HIRA: variants seen among roughly 807,000 people sequenced by gnomAD.
The protein encoded by HIRA is histone cell cycle regulator, also known as protein HIRA.
In HIRA, 13 loss-of-function variants were observed where a neutral mutation model predicts 126.6. That is an observed-to-expected ratio of 0.10 (90% CI 0.07 to 0.16). The LOEUF is 0.16. Among genes scored for constraint, HIRA ranks in the 10% least tolerant of loss-of-function variants. The pLI is 1.00. For missense variants in HIRA, 834 were observed against 1,314.4 expected, an observed-to-expected ratio of 0.63 and a Z score of 5.65; for synonymous variants, 511 against 520.0, an observed-to-expected ratio of 0.98 and a Z score of 0.24.
chr22:19,335,161 C>A (rs997207688), intron 24 of HIRA, among the ~76,000 whole-genome samples: 1 of 152,128 alleles, frequency 6.6e-6, no homozygotes, highest in Non-Finnish European at 1.5e-5. Context: ...GTCTGTGATA[C>A]TGCTGTCATG....
At chr22:19,336,250 G>A (rs923212711) in intron 24 of HIRA, among the ~76,000 whole-genome samples, 1 of 152,196 alleles carries the variant, frequency 6.6e-6, no homozygotes, top group Non-Finnish European at 1.5e-5. Flanking sequence ...AACCCTAGGT[G>A]ATCTCATCTG....
In HIRA at chr22:19,428,934, T is replaced by A. The variant is rs576471412; in HGVS notation, c.37+2506A>T. Among the ~76,000 whole-genome samples the A allele has an allele frequency of 3.9e-5, 6 of 152,184 alleles. No homozygotes were observed. In the East Asian group the frequency reaches 1.2e-3, roughly 29 times the overall value. ...AGGCTTCCGGCTGAGCAGCCCCTGC[T>A]CCCAGCAGCCACCAATACTCCTACA... On this transcript the variant is annotated intron_variant, in intron 1 of 24. Coordinates refer to ENST00000263208, the MANE Select transcript of HIRA (RefSeq NM_003325.4).
chr22:19,348,513 T>G (rs2088714050), intron 24 of HIRA, among the ~76,000 whole-genome samples: 1 of 152,096 alleles, frequency 6.6e-6, no homozygotes, highest in South Asian at 2.1e-4. Context: ...TTTTTTTTTT[T>G]GAGACAGAGT....
chr22:19,336,493 A>G (rs1556005962), intron 24 of HIRA, among the ~76,000 whole-genome samples: 1 of 152,240 alleles, frequency 6.6e-6, no homozygotes, highest in African/African-American at 2.4e-5. Flanking sequence ...GAAAAACAAC[A>G]GCTAATTCCA....
chr22:19,387,545 T>C (rs936544795), intron 11 of HIRA, among the ~76,000 whole-genome samples, 166 bp downstream of exon 11: 4 of 152,190 alleles, frequency 2.6e-5, no homozygotes, highest in African/African-American at 7.2e-5. Flanking sequence ...AATTAATCTA[T>C]TTTGTAAAGA....
In HIRA at chr22:19,385,612, AGCT is replaced by A. The variant is rs746667249; in HGVS notation, c.1235_1237del (p.Gln412del). 19 of 1,613,176 alleles carry A rather than the reference AGCT, an allele frequency of 1.2e-5. No individual in the cohort carries two copies. Among genetic ancestry groups the A allele is most frequent in the Middle Eastern group, 1.6e-4 (1 of 6,078 alleles). ...CCTGGTCGCAGCACTCTTCTGGTCC[AGCT>A]GCTGCTGCTGCTGCCTTCGCTGGTA... On this transcript the variant is annotated inframe_deletion, in exon 12 of 25. Transcript: ENST00000263208.
chr22:19,336,233 G>A (rs2088566252), intron 24 of HIRA, among the ~76,000 whole-genome samples: 1 of 152,170 alleles, frequency 6.6e-6, no homozygotes, highest in African/African-American at 2.4e-5. Flanking sequence ...CTTGGAAGAG[G>A]ACCTTGAACC....
intron 15 of HIRA, 151 bp downstream of exon 15, chr22:19,375,480 A>G: frequency 1.3e-6 from 1 of 745,306 alleles, no homozygotes; most frequent in Non-Finnish European, 2.1e-6. Flanking sequence ...GTGGCTCACT[A>G]AGGGCTCTGC....
At chr22:19,356,156 G>A (rs1422332711) in intron 20 of HIRA, 74 bp downstream of exon 20, 2 of 1,385,744 alleles carry the variant, frequency 1.4e-6, no homozygotes, top group African/African-American at 2.8e-5. Context: ...GGCTCTCTGA[G>A]CGGGGCCCTT....
At chr22:19,426,549 C>A (rs5993638) in intron 1 of HIRA, among the ~76,000 whole-genome samples, 1 of 152,192 alleles carries the variant, frequency 6.6e-6, no homozygotes, top group African/African-American at 2.4e-5. Context: ...TGGGCTATCA[C>A]GCTTATTCCT....
At chr22:19,366,715 A>G (rs981772766) in intron 15 of HIRA, among the ~76,000 whole-genome samples, 1 of 152,220 alleles carries the variant, frequency 6.6e-6, no homozygotes, top group Non-Finnish European at 1.5e-5. Flanking sequence ...CTTAAGATGG[A>G]ATCTCCTGGT....
At chr22:19,405,705 G>T in intron 5 of HIRA, 81 bp downstream of exon 5, 2 of 1,084,568 alleles carry the variant, frequency 1.8e-6, no homozygotes, top group Non-Finnish European at 2.5e-6. Flanking sequence ...GGACCAAACA[G>T]TCCCACAGGG....
rs542553068 is a variant in HIRA at position 19,352,874 on chromosome 22, T to G, written c.2848+482A>C. ...AGCCACCTCTTCCAGCACACCTGGC[T>G]TTCTGCAAGGGAGGCAGCAGAGTGA... On this transcript the variant is annotated intron_variant, in intron 23 of 24. Transcript: ENST00000263208. 2.0e-5 allele frequency among the ~76,000 whole-genome samples: 3 copies of G among 152,324 alleles called. No homozygotes were observed. In the South Asian group the frequency reaches 6.2e-4, roughly 32 times the overall value.
intron 24 of HIRA, among the ~76,000 whole-genome samples, chr22:19,347,767 C>T (rs1446361319): frequency 1.3e-5 from 2 of 152,034 alleles, no homozygotes; most frequent in Non-Finnish European, 2.9e-5. Context: ...GGTGAAACCC[C>T]GCCTCTACTA....
intron 17 of HIRA, among the ~76,000 whole-genome samples, chr22:19,359,712 C>G (rs2088846463): frequency 6.6e-6 from 1 of 152,190 alleles, no homozygotes; most frequent in Non-Finnish European, 1.5e-5. Context: ...TGGTTTCTAC[C>G]CTGTCATTTG....
chr22:19,347,105 G>C (rs546757425), intron 24 of HIRA, among the ~76,000 whole-genome samples: 2 of 152,186 alleles, frequency 1.3e-5, no homozygotes, highest in Admixed American at 6.5e-5. Context: ...CTGCCCATGA[G>C]GGGGACTCAC....
chr22:19,399,098 C>A, intron 5 of HIRA: 3 of 984,334 alleles, frequency 3.0e-6, no homozygotes, highest in Non-Finnish European at 3.6e-6. Context: ...CGATGAGGGT[C>A]CGCTGTGACG....
intron 24 of HIRA, among the ~76,000 whole-genome samples, chr22:19,334,407 T>G (rs2146507221): frequency 6.6e-6 from 1 of 151,166 alleles, no homozygotes; most frequent in Admixed American, 6.6e-5. Flanking sequence ...TCTCAGCACT[T>G]TGGGAGGCCA....
intron 8 of HIRA, 139 bp from the exon 9 acceptor site, chr22:19,392,353 G>A: frequency 1.8e-5 from 10 of 550,930 alleles, no homozygotes; most frequent in East Asian, 2.9e-5. Flanking sequence ...TCATCTTCCC[G>A]ACCACCTATG....
Sources: gnomAD v4.1 joint callset for allele counts (sites outside exome capture counted in the v4.1 genomes callset) on GRCh38, gnomAD v4.1.1 for gene constraint, MANE v1.5 for transcripts, NCBI Gene and HGNC (gene_info 2026-07-23, HGNC 2026-07-21) for gene names.